Variants in SRGAP3 observed in about 807,000 individuals in gnomAD.
SRGAP3 encodes SLIT-ROBO Rho GTPase activating protein 3, also known as SLIT-ROBO Rho GTPase-activating protein 3.
Under a neutral mutation model 121.1 loss-of-function variants are expected in SRGAP3, and 39 were observed. The ratio of observed to expected loss-of-function variants is 0.32; its 90% CI spans 0.25 to 0.42. SRGAP3 has a LOEUF of 0.42. SRGAP3 is among the 10% of genes least tolerant of loss of function. The pLI is 1.00. For synonymous variants in SRGAP3, 601 were observed against 570.0 expected, an observed-to-expected ratio of 1.05 and a Z score of -0.77; for missense variants, 1,213 against 1,470.6, an observed-to-expected ratio of 0.82 and a Z score of 2.86.
intron 3 of SRGAP3, among the ~76,000 whole-genome samples, chr3:9,274,662 G>A (rs1285964845): frequency 6.6e-6 from 1 of 152,200 alleles, no homozygotes; most frequent in Admixed American, 6.5e-5. Flanking sequence ...GGAGGAATGA[G>A]GTTGCACAAA....
intron 18 of SRGAP3, among the ~76,000 whole-genome samples, chr3:9,005,416 C>T (rs757868762): frequency 1.4e-4 from 22 of 152,184 alleles, no homozygotes; most frequent in Non-Finnish European, 2.2e-4. Context: ...CCAGCAATTC[C>T]ACTCCTGGGT....
At chr3:9,072,065 A>G (rs1946748028) in intron 4 of SRGAP3, among the ~76,000 whole-genome samples, 2 of 152,170 alleles carry the variant, frequency 1.3e-5, no homozygotes, top group South Asian at 4.1e-4. Context: ...AACAAATTGC[A>G]AAAGGCAGAC....
rs1372511075 is a variant in SRGAP3, at chr3:9,091,007, A to G, written c.424-10920T>C. On this transcript the variant is annotated intron_variant, in intron 3 of 21. Coordinates refer to ENST00000383836, the MANE Select transcript of SRGAP3 (RefSeq NM_014850.4). ...TAACTCAAAGACGGGTCATTTCCAG[A>G]GCTAATGTCATTCTCTATGTCTAAA... 3.3e-5 allele frequency among the ~76,000 whole-genome samples: 5 copies of G among 150,720 alleles called. No homozygotes were observed. In the Admixed American group the frequency reaches 3.3e-4, roughly 10 times the overall value.
chr3:9,293,728 GA>G (rs1012955479), intron 3 of SRGAP3, among the ~76,000 whole-genome samples: 68 of 151,914 alleles, frequency 4.5e-4, no homozygotes, highest in Admixed American at 2.1e-3. Flanking sequence ...ACAAACATAC[GA>G]AAAAAAATCT....
intron 6 of SRGAP3, chr3:9,059,825 G>T: frequency 3.4e-6 from 1 of 294,352 alleles, no homozygotes; most frequent in Non-Finnish European, 6.7e-6. Flanking sequence ...CTGGCTGAGT[G>T]GCCCTAGGGG....
chr3:9,013,259 G>T, intron 17 of SRGAP3, 49 bp downstream of exon 17: 1 of 1,554,190 alleles, frequency 6.4e-7, no homozygotes, highest in Non-Finnish European at 8.9e-7. Flanking sequence ...CCTATTCAAT[G>T]GCAATAACAA....
At chr3:9,023,925 G>A (rs2125064568) in intron 14 of SRGAP3, among the ~76,000 whole-genome samples, 2 of 152,328 alleles carry the variant, frequency 1.3e-5, no homozygotes, top group African/African-American at 4.8e-5. Flanking sequence ...CATCCACAGA[G>A]GGTCTGTGCC....
At chr3:9,250,415 G>A (rs190435658), upstream of SRGAP3, among the ~76,000 whole-genome samples, 118 of 152,300 alleles carry the variant, frequency 7.7e-4, no homozygotes, top group African/African-American at 2.8e-3. Flanking sequence ...CACCCCTGGA[G>A]TAGAAAGCAT....
chr3:9,134,135 C>T (rs933596876), intron 1 of SRGAP3, among the ~76,000 whole-genome samples: 7 of 152,198 alleles, frequency 4.6e-5, no homozygotes, highest in Non-Finnish European at 1.0e-4. Context: ...CCCTTGGAGG[C>T]CTCTGCCCCT....
At position 9,090,151 on chromosome 3, in the gene SRGAP3, G is replaced by A. The variant is rs552054288; in HGVS notation, c.424-10064C>T. 1.7e-4 allele frequency among the ~76,000 whole-genome samples: 26 copies of A among 152,162 alleles called. 1 individual carries two copies. The Middle Eastern group carries it at 0.02, about 119-fold the overall frequency. On this transcript the variant is annotated intron_variant, in intron 3 of 21. Coordinates refer to ENST00000383836, the MANE Select transcript of SRGAP3 (RefSeq NM_014850.4). ...TACCGAAATGACCACTGAATGAGACGGCCTTCTGAAAACGCTCCACCAAGC... is the reference window on the plus strand; with the variant it reads ...TACCGAAATGACCACTGAATGAGACAGCCTTCTGAAAACGCTCCACCAAGC...
At chr3:9,028,084 C>T (rs1944302218) in intron 12 of SRGAP3, 2 of 1,614,086 alleles carry the variant, frequency 1.2e-6, no homozygotes, top group Non-Finnish European at 1.7e-6. Flanking sequence ...GGCTAATGGG[C>T]CTTTCTAGTA....
rs1231378999 is a variant in SRGAP3, at chr3:8,997,565, C to T, written c.2228-3042G>A. 4.6e-5 allele frequency among the ~76,000 whole-genome samples: 7 copies of T among 152,196 alleles called. No individual in the cohort carries two copies. The East Asian group carries it at 1.2e-3, about 25-fold the overall frequency. On this transcript the variant is annotated intron_variant, in intron 18 of 21. Transcript: ENST00000383836. Reference sequence around the variant, plus strand: ...CCCTCCAGGATCCCAATCGCAGAGACCTCTGAGACCTCATCTTCTCTGTCT... The same window carrying T: ...CCCTCCAGGATCCCAATCGCAGAGATCTCTGAGACCTCATCTTCTCTGTCT...
chr3:9,155,438 T>A (rs1575157413), intron 1 of SRGAP3, among the ~76,000 whole-genome samples: 1 of 152,202 alleles, frequency 6.6e-6, no homozygotes, highest in African/African-American at 2.4e-5. Context: ...CTTTCTTCAA[T>A]TATGGGAAAA....
chr3:8,990,971 C>T (rs764049603), intron 20 of SRGAP3, 132 bp from the exon 21 acceptor site: 9 of 744,690 alleles, frequency 1.2e-5, no homozygotes, highest in East Asian at 5.6e-5. Context: ...CCTCATTCAG[C>T]CAGACCCTAC....
At chr3:9,145,028 AG>A (rs1310780878) in intron 1 of SRGAP3, among the ~76,000 whole-genome samples, 1 of 152,214 alleles carries the variant, frequency 6.6e-6, no homozygotes, top group African/African-American at 2.4e-5. Context: ...TCTCTAAGTT[AG>A]TAACTTTATC....
intron 1 of SRGAP3, among the ~76,000 whole-genome samples, chr3:9,189,031 T>C (rs1409371155): frequency 6.6e-6 from 1 of 152,198 alleles, no homozygotes; most frequent in African/African-American, 2.4e-5. Context: ...ACAGGGTCTT[T>C]GTCCTTTTTT....
chr3:9,013,236 GT>G, intron 17 of SRGAP3, 71 bp downstream of exon 17: 4 of 1,450,714 alleles, frequency 2.8e-6, no homozygotes, highest in South Asian at 1.2e-5. Flanking sequence ...AAACTGAAGG[GT>G]TTCTTATTGT....
At chr3:9,164,471 G>T (rs1472789399) in intron 1 of SRGAP3, among the ~76,000 whole-genome samples, 2 of 151,798 alleles carry the variant, frequency 1.3e-5, no homozygotes, top group East Asian at 3.9e-4. Flanking sequence ...TGTACTTTTG[G>T]GAGAGACAGG....
chr3:9,275,610 A>C (rs34742473), intron 3 of SRGAP3, among the ~76,000 whole-genome samples: 35,231 of 152,142 alleles, frequency 0.23, 5,162 homozygotes, highest in Non-Finnish European at 0.31. Context: ...TCCTGGTAGT[A>C]AATAAGGCTC....
Sources: allele counts gnomAD v4.1 joint callset (sites outside exome capture counted in the v4.1 genomes callset), GRCh38; gene constraint gnomAD v4.1.1; transcripts MANE v1.5; gene names NCBI Gene and HGNC (gene_info 2026-07-23, HGNC 2026-07-21).